The following ZFHX3 variants were observed in gnomAD, a reference collection of about 807,000 sequenced individuals.
ZFHX3 encodes the protein zinc finger homeobox protein 3.
Under a neutral mutation model 279.1 loss-of-function variants are expected in ZFHX3, and 42 were observed. The ratio of observed to expected loss-of-function variants is 0.15; its 90% CI spans 0.12 to 0.19. The LOEUF (loss-of-function observed/expected upper bound fraction) is 0.19, where lower values mean the gene tolerates loss of function less well. Among genes scored for constraint, ZFHX3 ranks in the 10% least tolerant of loss-of-function variants. The pLI is 1.00. For missense variants in ZFHX3, 4,981 were observed against 4,754.0 expected (o/e 1.05, Z -1.40); for synonymous variants, 2,293 against 1,957.8 (o/e 1.17, Z -4.52).
intron 1 of ZFHX3, among the ~76,000 whole-genome samples, chr16:73,879,942 A>G (rs1306676877): frequency 6.6e-6 from 1 of 152,116 alleles, no homozygotes; most frequent in African/African-American, 2.4e-5. Context: ...ATAGGATCCT[A>G]ATTTCAATTT....
chr16:72,948,536 A>G (rs1322817215), intron 3 of ZFHX3, among the ~76,000 whole-genome samples: 1 of 152,204 alleles, frequency 6.6e-6, no homozygotes, highest in African/African-American at 2.4e-5. Flanking sequence ...GGATGTTCTC[A>G]GCAAATCCGC....
chr16:73,764,501 C>G (rs1304103578), intron 1 of ZFHX3, among the ~76,000 whole-genome samples: 4 of 152,118 alleles, frequency 2.6e-5, no homozygotes, highest in Admixed American at 2.6e-4. Context: ...TCATAGTGAT[C>G]TTATTGCAGA....
At chr16:73,196,181 G>T (rs947435756) in intron 5 of ZFHX3, among the ~76,000 whole-genome samples, 1 of 149,338 alleles carries the variant, frequency 6.7e-6, no homozygotes, top group Non-Finnish European at 1.5e-5. Context: ...GGGGATGGGT[G>T]GGGGTTGGTG....
chr16:73,484,725 G>C (rs1197967103), intron 2 of ZFHX3, among the ~76,000 whole-genome samples: 2 of 152,206 alleles, frequency 1.3e-5, no homozygotes, highest in Admixed American at 1.3e-4. Flanking sequence ...CTATGTTTTA[G>C]CATCTGTTGG....
chr16:73,358,647 ACTAATGCAGATGAC>A (rs1253901075), intron 3 of ZFHX3, among the ~76,000 whole-genome samples: 2 of 152,254 alleles, frequency 1.3e-5, no homozygotes, highest in Non-Finnish European at 2.9e-5. Context: ...GCAACAGATA[ACTAATGCAGATGAC>A]CTCTCATCCA....
intron 3 of ZFHX3, among the ~76,000 whole-genome samples, chr16:73,371,618 T>C (rs2016632733): frequency 6.6e-6 from 1 of 152,078 alleles, no homozygotes; most frequent in Non-Finnish European, 1.5e-5. Context: ...GGTGTACCCC[T>C]CAGTCCATCT....
At chr16:72,874,147 T>G (rs555801669) in intron 4 of ZFHX3, among the ~76,000 whole-genome samples, 21 of 150,790 alleles carry the variant, frequency 1.4e-4, no homozygotes, top group Admixed American at 1.1e-3. Context: ...ACGCATGCAC[T>G]CTCACCAGCC....
intron 4 of ZFHX3, among the ~76,000 whole-genome samples, chr16:72,849,915 C>T (rs1374018369): frequency 7.4e-6 from 1 of 134,410 alleles, no homozygotes; most frequent in Non-Finnish European, 1.6e-5. Context: ...AAATTCACAC[C>T]TACCCTTCCA....
At chr16:73,240,438 C>T (rs188698702) in intron 5 of ZFHX3, among the ~76,000 whole-genome samples, 9 of 152,154 alleles carry the variant, frequency 5.9e-5, no homozygotes, top group African/African-American at 1.4e-4. Context: ...AGTCTGATCT[C>T]GAACTCCTGA....
At chr16:72,927,177 T>C (rs1024521510) in intron 3 of ZFHX3, among the ~76,000 whole-genome samples, 3 of 152,260 alleles carry the variant, frequency 2.0e-5, no homozygotes, top group African/African-American at 7.2e-5. Context: ...TCAGTTTCAC[T>C]TGGTCAGACA....
At chr16:72,922,356 CCAGA>C (rs2039606465) in intron 3 of ZFHX3, among the ~76,000 whole-genome samples, 1 of 152,174 alleles carries the variant, frequency 6.6e-6, no homozygotes, top group Admixed American at 6.5e-5. Context: ...CCCCCCTGTC[CCAGA>C]CAAACAACCT....
intron 3 of ZFHX3, among the ~76,000 whole-genome samples, chr16:72,949,592 G>A (rs1211388027): frequency 1.3e-5 from 2 of 152,070 alleles, no homozygotes; most frequent in Admixed American, 6.6e-5. Flanking sequence ...GGGAAGGGCT[G>A]GGGGGAAAGC....
chr16:73,253,523 C>G (rs1260102838), intron 5 of ZFHX3, among the ~76,000 whole-genome samples: 4 of 150,654 alleles, frequency 2.7e-5, no homozygotes, highest in African/African-American at 4.9e-5. Flanking sequence ...ATGATCTCGG[C>G]TCACTGCAAG....
At chr16:72,815,787 A>AG (rs1480834361) in intron 5 of ZFHX3, among the ~76,000 whole-genome samples, 7 of 152,276 alleles carry the variant, frequency 4.6e-5, no homozygotes, top group Admixed American at 6.5e-5. Flanking sequence ...GACATAGTTT[A>AG]GACAATTGGT....
At chr16:73,036,420 G>A (rs1964907984) in intron 1 of ZFHX3, among the ~76,000 whole-genome samples, 1 of 152,196 alleles carries the variant, frequency 6.6e-6, no homozygotes, top group Non-Finnish European at 1.5e-5. Context: ...CCGCTTTGTG[G>A]GGGGAAAAGG....
At chr16:73,088,968 G>A (rs1966041215) in intron 8 of ZFHX3, among the ~76,000 whole-genome samples, 1 of 152,196 alleles carries the variant, frequency 6.6e-6, no homozygotes, top group East Asian at 1.9e-4. Flanking sequence ...ACAGCTCGTT[G>A]AAGGCCTTAG....
In ZFHX3 at chr16:72,938,705, C is replaced by G. The variant is rs528194280; in HGVS notation, c.3216+11764G>C. ...AAACACTCAGAGACATGAATTAGGG[C>G]GGCAAGACCCTGGAGGTGAAGAGAG... On this transcript the variant is annotated intron_variant, in intron 3 of 9. Transcript: ENST00000268489. Among the ~76,000 whole-genome samples the G allele has an allele frequency of 5.9e-5, 9 of 152,214 alleles. No homozygotes were observed. In the South Asian group the frequency reaches 1.9e-3, roughly 32 times the overall value.
intron 3 of ZFHX3, among the ~76,000 whole-genome samples, chr16:73,377,871 A>C (rs1003895269): frequency 3.3e-5 from 5 of 151,256 alleles, no homozygotes; most frequent in Admixed American, 3.3e-4. Flanking sequence ...ATCTCTACTA[A>C]AAATACAAAA....
At position 72,787,021 on chromosome 16, in the gene ZFHX3, ACGCTT is replaced by A; in HGVS notation, c.*138_*142del. On this transcript the variant is annotated 3_prime_UTR_variant, in exon 10 of 10. Coordinates refer to ENST00000268489, the MANE Select transcript of ZFHX3 (RefSeq NM_006885.4). ...AGATAGGTATATGGGAAAACAACCC[ACGCTT>A]TTTCTTTTTTTTCTTTTTTTTTTTT... The A allele has an allele frequency of 5.1e-6, 5 of 971,588 alleles. No individual in the cohort carries two copies. Among genetic ancestry groups the A allele is most frequent in the Non-Finnish European group, 5.4e-6 (4 of 745,070 alleles). The allele number at this position is 971,588 out of a possible 1,614,324, so 60.2% of individuals were successfully genotyped here.
Sources: allele counts gnomAD v4.1 joint callset (sites outside exome capture counted in the v4.1 genomes callset), GRCh38; gene constraint gnomAD v4.1.1; transcripts MANE v1.5; gene names NCBI Gene and HGNC (gene_info 2026-07-23, HGNC 2026-07-21).